The following RAB31 variants were observed in gnomAD, a reference collection of about 807,000 sequenced individuals.
The protein encoded by RAB31 is RAB31, member RAS oncogene family.
RAB31 carries 21 observed loss-of-function variants against 25.6 expected under a neutral mutation model. That is an observed-to-expected ratio of 0.82 (90% CI 0.58 to 1.18). The LOEUF (loss-of-function observed/expected upper bound fraction) is 1.18, where lower values mean the gene tolerates loss of function less well. Ranked by LOEUF, RAB31 falls within the 50% of genes most tolerant of loss-of-function variation. The pLI is 0.00. For missense variants in RAB31, 196 were observed against 250.1 expected, an observed-to-expected ratio of 0.78 and a Z score of 1.46; for synonymous variants, 87 against 84.0, an observed-to-expected ratio of 1.04 and a Z score of -0.20.
intron 1 of RAB31, among the ~76,000 whole-genome samples, chr18:9,758,542 T>C (rs1429252411): frequency 1.3e-5 from 2 of 152,136 alleles, no homozygotes; most frequent in Non-Finnish European, 2.9e-5. Context: ...CCTGCCTCCA[T>C]GAAGCCTTTC....
chr18:9,759,450 C>T (rs991506310), intron 1 of RAB31, among the ~76,000 whole-genome samples: 8 of 151,678 alleles, frequency 5.3e-5, no homozygotes, highest in African/African-American at 9.7e-5. Flanking sequence ...GGATTATAAG[C>T]GTGAGCCACA....
intron 1 of RAB31, among the ~76,000 whole-genome samples, chr18:9,750,117 G>A (rs1480203464): frequency 6.6e-6 from 1 of 152,160 alleles, no homozygotes; most frequent in Non-Finnish European, 1.5e-5. Context: ...CTCTGTGGAG[G>A]CGTGGGCAGC....
rs2068315132 is a variant in RAB31 at position 9,766,209 on chromosome 18, A to G, written c.40-9069A>G. On this transcript the variant is annotated intron_variant, in intron 1 of 6. Coordinates refer to ENST00000578921, the MANE Select transcript of RAB31 (RefSeq NM_006868.4). The surrounding 1 kb of genome is among the most constrained non-coding windows in gnomAD (Gnocchi z 4.3). ...AACCCTGGCCTGGATTGCTAAGGCCAGGGCCCGGGAGCTGGGCTCTCACTC... is the reference window on the plus strand; with the variant it reads ...AACCCTGGCCTGGATTGCTAAGGCCGGGGCCCGGGAGCTGGGCTCTCACTC... 6.6e-6 allele frequency among the ~76,000 whole-genome samples: 1 copy of G among 152,148 alleles called. No individual in the cohort carries two copies. The highest frequency in any genetic ancestry group is 6.5e-5 in the Admixed American group (1 of 15,280).
intron 1 of RAB31, chr18:9,774,989 A>C: frequency 1.8e-6 from 1 of 551,406 alleles, no homozygotes; most frequent in Admixed American, 2.1e-5. Context: ...AATTTCTGAA[A>C]ATACATCCAT....
intron 1 of RAB31, among the ~76,000 whole-genome samples, chr18:9,712,010 T>C (rs1241660128): frequency 6.6e-6 from 1 of 152,188 alleles, no homozygotes; most frequent in Non-Finnish European, 1.5e-5. Context: ...GCTCCATCCA[T>C]GGGGTCGGAG....
intron 1 of RAB31, among the ~76,000 whole-genome samples, chr18:9,756,655 C>T (rs537381262): frequency 6.0e-4 from 92 of 152,154 alleles, no homozygotes; most frequent in Non-Finnish European, 8.1e-4. Context: ...GTAAGCCAAG[C>T]TGTCATTGTG....
At chr18:9,752,338 T>C (rs1175622621) in intron 1 of RAB31, among the ~76,000 whole-genome samples, 3 of 152,080 alleles carry the variant, frequency 2.0e-5, no homozygotes, top group African/African-American at 7.2e-5. Context: ...GATTCTCCTG[T>C]CTAAGCCTCC....
chr18:9,835,157 G>T (rs373876056), intron 5 of RAB31, among the ~76,000 whole-genome samples: 9 of 152,178 alleles, frequency 5.9e-5, no homozygotes, highest in Admixed American at 3.3e-4. Context: ...GACGGTGTAG[G>T]GTCCAGCTTC....
Position 9,775,354 on chromosome 18 carries a change from T to C in RAB31, c.116T>C (p.Ile39Thr). 1 of 1,613,788 alleles carries C rather than the reference T, an allele frequency of 6.2e-7. No individual in the cohort carries two copies. The highest frequency in any genetic ancestry group is 8.5e-7 in the Non-Finnish European group (1 of 1,179,734). ...TTTGACCACAACATCAGCCCTACTA[T>C]TGGGTAAGTTCCTGTATGTCATTCT... is the stretch of plus-strand genomic sequence containing the variant. ...DHFDHNISPT[I>T]GASFMTKTVP... The change falls in exon 2 of 7, where the codon ATT (isoleucine) becomes ACT (threonine). Residue 39 changes from isoleucine (I) to threonine (T), a missense_variant. By Grantham distance (89) the Ile-to-Thr change is moderately conservative. Coordinates refer to ENST00000578921, the MANE Select transcript of RAB31 (RefSeq NM_006868.4).
intron 1 of RAB31, among the ~76,000 whole-genome samples, chr18:9,719,298 A>ATATATATATAT (rs1316394356): frequency 4.3e-5 from 1 of 23,108 alleles, no homozygotes; most frequent in African/African-American, 1.2e-4. Context: ...AAAAAAAAAA[A>ATATATATATAT]ATATATATAT....
intron 1 of RAB31, among the ~76,000 whole-genome samples, chr18:9,742,549 T>C (rs1433660449): frequency 6.6e-6 from 1 of 152,252 alleles, no homozygotes; most frequent in Non-Finnish European, 1.5e-5. Context: ...TGTTTTCTAA[T>C]AAAAGATGTT....
intron 1 of RAB31, among the ~76,000 whole-genome samples, chr18:9,768,258 T>C (rs950335796): frequency 6.6e-6 from 1 of 152,224 alleles, no homozygotes; most frequent in Non-Finnish European, 1.5e-5. Flanking sequence ...TTTCTGGCTC[T>C]AGATCCTTGA....
intron 5 of RAB31, among the ~76,000 whole-genome samples, chr18:9,824,381 T>C (rs1438862075): frequency 1.3e-5 from 2 of 151,250 alleles, no homozygotes; most frequent in African/African-American, 2.4e-5. Flanking sequence ...TGTAGATGTG[T>C]ATGTGTGTGT....
intron 3 of RAB31, among the ~76,000 whole-genome samples, chr18:9,797,208 G>C (rs1159724147): frequency 1.3e-5 from 2 of 152,288 alleles, no homozygotes; most frequent in African/African-American, 2.4e-5. Flanking sequence ...ACTTGTAGTT[G>C]ATCTGCTGGT....
At chr18:9,712,265 A>G (rs1476110394) in intron 1 of RAB31, among the ~76,000 whole-genome samples, 1 of 152,136 alleles carries the variant, frequency 6.6e-6, no homozygotes, top group African/African-American at 2.4e-5. Flanking sequence ...CCTGTTATAA[A>G]TTCTTGGCTC....
intron 3 of RAB31, among the ~76,000 whole-genome samples, chr18:9,798,707 C>T (rs928230948): frequency 2.7e-4 from 41 of 151,926 alleles, no homozygotes; most frequent in African/African-American, 9.4e-4. Flanking sequence ...CAACCTCAAA[C>T]TCCCAGGCCT....
chr18:9,765,871 C>T (rs184213108), intron 1 of RAB31, among the ~76,000 whole-genome samples: 8 of 144,980 alleles, frequency 5.5e-5, no homozygotes, highest in South Asian at 2.2e-4. Context: ...TTTGGGGACC[C>T]GAGACTCTTG....
chr18:9,846,840 C>CA (rs1425251310), intron 6 of RAB31, among the ~76,000 whole-genome samples: 2 of 152,244 alleles, frequency 1.3e-5, no homozygotes, highest in Non-Finnish European at 2.9e-5. Flanking sequence ...GTCTTACCTA[C>CA]ACTATGCAGA....
chr18:9,721,270 T>G (rs2068072296), intron 1 of RAB31, among the ~76,000 whole-genome samples: 1 of 152,220 alleles, frequency 6.6e-6, no homozygotes, highest in Admixed American at 6.5e-5. Context: ...GTTAACGTCA[T>G]TAATACTGGC....
Sources: gnomAD v4.1 joint callset for allele counts (sites outside exome capture counted in the v4.1 genomes callset) on GRCh38, gnomAD v4.1.1 for gene constraint, Gnocchi (gnomAD v3.1) non-coding constraint, MANE v1.5 for transcripts, NCBI Gene and HGNC (gene_info 2026-07-23, HGNC 2026-07-21) for gene names.